Variants in INTU observed in about 807,000 individuals in gnomAD.
INTU encodes inturned planar cell polarity protein.
Under a neutral mutation model 100.5 loss-of-function variants are expected in INTU, and 68 were observed. The observed-to-expected ratio is 0.68, with a 90% CI of 0.56 to 0.83. The LOEUF (loss-of-function observed/expected upper bound fraction) is 0.83. Among genes scored for constraint, INTU ranks in the 40% least tolerant of loss-of-function variants. The probability of loss-of-function intolerance (pLI) is 0.00; values close to 1 mark genes in which losing one functional copy is unlikely to be tolerated. For missense variants in INTU, 1,071 were observed against 1,114.7 expected (o/e 0.96, Z 0.56); for synonymous variants, 357 against 395.7 (o/e 0.90, Z 1.16).
chr4:127,692,306 A>T (rs188702814), intron 8 of INTU, among the ~76,000 whole-genome samples: 73 of 151,864 alleles, frequency 4.8e-4, no homozygotes, highest in African/African-American at 1.6e-3. Context: ...GTGGTATTGC[A>T]TTGTGGTTTT....
chr4:127,637,075 G>C (rs1226158917), intron 1 of INTU, among the ~76,000 whole-genome samples: 1 of 152,088 alleles, frequency 6.6e-6, no homozygotes, highest in East Asian at 1.9e-4. Flanking sequence ...CTTGTCTTCA[G>C]ATCTGATGTC....
chr4:127,699,720 T>C (rs1730562046), intron 8 of INTU, among the ~76,000 whole-genome samples: 1 of 152,236 alleles, frequency 6.6e-6, no homozygotes, highest in East Asian at 1.9e-4. Context: ...TGAATACATG[T>C]GAAGACCATT....
chr4:127,698,191 G>C (rs1365593218), intron 8 of INTU, among the ~76,000 whole-genome samples: 1 of 152,022 alleles, frequency 6.6e-6, no homozygotes, highest in Non-Finnish European at 1.5e-5. Flanking sequence ...CCAGCACTTT[G>C]GGAGTACACA....
chr4:127,646,124 C>A (rs1165702548), intron 2 of INTU, among the ~76,000 whole-genome samples: 3 of 147,288 alleles, frequency 2.0e-5, no homozygotes, highest in African/African-American at 7.6e-5. Flanking sequence ...GCAGAGGTTG[C>A]AATGAGCCAA....
chr4:127,642,055 G>C (rs1578525831), intron 1 of INTU, among the ~76,000 whole-genome samples: 1 of 141,176 alleles, frequency 7.1e-6, no homozygotes, highest in African/African-American at 3.2e-5. Context: ...ATGTTTTTAA[G>C]TAATTAATGT....
intron 14 of INTU, among the ~76,000 whole-genome samples, chr4:127,711,925 C>G (rs1317980403): frequency 6.6e-6 from 1 of 152,076 alleles, no homozygotes; most frequent in Non-Finnish European, 1.5e-5. Flanking sequence ...ATGTTGTTAT[C>G]TGTTGAATAA....
Position 127,706,829 on chromosome 4 carries a change from T to C in INTU, c.2131T>C (p.Cys711Arg), listed in dbSNP as rs143338739. The C allele has an allele frequency of 3.1e-4, 504 of 1,614,072 alleles. 2 individuals are homozygous for C. In the African/African-American group the frequency reaches 6.0e-3, roughly 19 times the overall value. ...AAAGACACGCAAGCCTAGTCCTTCCTGTAGTAGTGGAGGATCTGACAATGG... is the reference window on the plus strand; with the variant it reads ...AAAGACACGCAAGCCTAGTCCTTCCCGTAGTAGTGGAGGATCTGACAATGG... ...SLKTRKPSPS[C>R]SSGGSDNGCE... Residue 711 changes from cysteine to arginine, a missense_variant, in exon 12 of 16, where the codon TGT becomes CGT. Transcript: ENST00000335251.
intron 2 of INTU, among the ~76,000 whole-genome samples, chr4:127,650,193 G>C (rs76433951): frequency 0.02 from 3,008 of 152,068 alleles, 101 homozygotes; most frequent in African/African-American, 0.069. Flanking sequence ...AGAATTTCAG[G>C]TGGGTTTTTG....
chr4:127,692,791 T>G (rs2148718099), intron 8 of INTU, among the ~76,000 whole-genome samples: 1 of 152,276 alleles, frequency 6.6e-6, no homozygotes, highest in African/African-American at 2.4e-5. Context: ...TCCAGTTTCA[T>G]TCTTCCACCT....
intron 9 of INTU, among the ~76,000 whole-genome samples, chr4:127,702,946 T>A (rs1730713312): frequency 6.6e-6 from 1 of 152,144 alleles, no homozygotes. Context: ...TACCTTCTCA[T>A]ACCTGGGCAT....
At position 127,725,725 on chromosome 4, in the gene INTU, C is replaced by G. The variant is rs1453601975; in HGVS notation, c.*9289C>G. 2 of 152,158 alleles carry G rather than the reference C, an allele frequency of 1.3e-5. No homozygotes were observed. Among genetic ancestry groups the G allele is most frequent in the African/African-American group, 2.4e-5 (1 of 41,440 alleles). The allele number at this position is 152,158 out of a possible 1,614,324, so 9.4% of individuals were successfully genotyped here. ...ATAAAAGGAAAATTATTTGCTGTAT[C>G]GTAGATGTGCACTGTAATTTCCATG... On this transcript the variant is annotated 3_prime_UTR_variant, in exon 16 of 16. Coordinates refer to ENST00000335251, the MANE Select transcript of INTU (RefSeq NM_015693.4).
At chr4:127,644,257 T>G (rs1727469361) in intron 2 of INTU, among the ~76,000 whole-genome samples, 1 of 152,202 alleles carries the variant, frequency 6.6e-6, no homozygotes, top group South Asian at 2.1e-4. Flanking sequence ...TTCAGTGTGT[T>G]GAGTATGTGT....
intron 6 of INTU, among the ~76,000 whole-genome samples, chr4:127,677,803 G>C (rs558305219): frequency 6.6e-6 from 1 of 152,248 alleles, no homozygotes; most frequent in East Asian, 1.9e-4. Context: ...AAACTACTCC[G>C]AGCTACAGGA....
chr4:127,650,917 C>G (rs2126185829), intron 2 of INTU, among the ~76,000 whole-genome samples: 1 of 152,306 alleles, frequency 6.6e-6, no homozygotes, highest in East Asian at 1.9e-4. Flanking sequence ...GCCATTCTAA[C>G]TGGTGTGAGA....
chr4:127,663,698 A>T, intron 4 of INTU, 114 bp downstream of exon 4: 1 of 737,850 alleles, frequency 1.4e-6, no homozygotes, highest in Non-Finnish European at 2.2e-6. Context: ...TTTAAGCAAG[A>T]GACAAAAATG....
intron 12 of INTU, among the ~76,000 whole-genome samples, chr4:127,707,332 G>A (rs1011803378): frequency 2.3e-5 from 3 of 129,930 alleles, no homozygotes; most frequent in South Asian, 5.2e-4. Context: ...GCAATGAGCC[G>A]AGATTGTGCC....
At chr4:127,673,097 C>T (rs1729007364) in intron 5 of INTU, among the ~76,000 whole-genome samples, 2 of 152,196 alleles carry the variant, frequency 1.3e-5, no homozygotes, top group Admixed American at 6.5e-5. Context: ...GCTGGGACTA[C>T]ATCTTCCTTT....
chr4:127,705,632 T>A lies in INTU; in HGVS notation c.1608T>A (p.Ile536=). 6.2e-7 allele frequency: 1 copy of A among 1,613,964 alleles called. No individual in the cohort carries two copies. Among genetic ancestry groups the A allele is most frequent in the Non-Finnish European group, 8.5e-7 (1 of 1,179,872 alleles). The change falls in exon 11 of 16, where the codon ATT becomes ATA. Residue 536 remains isoleucine, a synonymous_variant. Transcript: ENST00000335251. ...GTCATTTGCCCAAGGATGATCTTAT[T>A]GATATTGCCGTATACTGTCGCCACT... ...ICSHLPKDDL[I]DIAVYCRHYC...
intron 4 of INTU, among the ~76,000 whole-genome samples, chr4:127,665,827 G>C (rs1453251409): frequency 6.6e-6 from 1 of 152,074 alleles, no homozygotes; most frequent in Non-Finnish European, 1.5e-5. Context: ...TGTTCCACTG[G>C]GTAGAATTAG....
Sources: allele counts gnomAD v4.1 joint callset (sites outside exome capture counted in the v4.1 genomes callset), GRCh38; gene constraint gnomAD v4.1.1; transcripts MANE v1.5; gene names NCBI Gene and HGNC (gene_info 2026-07-23, HGNC 2026-07-21).